GPC5: variants seen among roughly 807,000 people sequenced by gnomAD.
GPC5 encodes the protein glypican 5.
In GPC5, 47 loss-of-function variants were observed where a neutral mutation model predicts 53.9. That is an observed-to-expected ratio of 0.87 (90% CI 0.69 to 1.11). The LOEUF (loss-of-function observed/expected upper bound fraction) is 1.11, where lower values mean the gene tolerates loss of function less well. Ranked by LOEUF, GPC5 falls within the 50% of genes most tolerant of loss-of-function variation. The pLI, the probability that GPC5 is intolerant of heterozygous loss-of-function variation, is 0.00. For synonymous variants in GPC5, 286 were observed against 263.3 expected (o/e 1.09, Z -0.84); for missense variants, 748 against 713.1 (o/e 1.05, Z -0.56).
At chr13:91,690,487 A>G (rs991630738) in intron 2 of GPC5, among the ~76,000 whole-genome samples, 3 of 152,174 alleles carry the variant, frequency 2.0e-5, no homozygotes, top group African/African-American at 4.8e-5. Flanking sequence ...AAGAGAAATA[A>G]TGATATTTGG....
chr13:92,733,717 G>T (rs72632633), intron 7 of GPC5, among the ~76,000 whole-genome samples: 8,213 of 151,712 alleles, frequency 0.054, 600 homozygotes, highest in East Asian at 0.35. Context: ...CAAAGAAGAT[G>T]ATTACATCTC....
intron 1 of GPC5, among the ~76,000 whole-genome samples, chr13:91,427,256 A>C (rs1373260824): frequency 1.3e-5 from 2 of 152,208 alleles, no homozygotes; most frequent in Non-Finnish European, 2.9e-5. Context: ...AACTTGCACC[A>C]TGAGCCTGGA....
chr13:92,602,649 G>A (rs984610428), intron 7 of GPC5, among the ~76,000 whole-genome samples: 4 of 152,034 alleles, frequency 2.6e-5, no homozygotes, highest in Non-Finnish European at 4.4e-5. Context: ...AATGAAAGAC[G>A]GTGTGGGATT....
At chr13:92,130,338 T>C (rs1177947353) in intron 6 of GPC5, among the ~76,000 whole-genome samples, 1 of 145,260 alleles carries the variant, frequency 6.9e-6, no homozygotes, top group Admixed American at 6.8e-5. Context: ...TGATGTTAAC[T>C]GAAAAAAAAA....
chr13:91,959,773 A>T (rs1271844474), intron 6 of GPC5, among the ~76,000 whole-genome samples: 1 of 152,008 alleles, frequency 6.6e-6, no homozygotes, highest in African/African-American at 2.4e-5. Flanking sequence ...ATTGAGTGGG[A>T]TTTTCCCAGG....
chr13:92,294,752 G>A (rs1193874735), intron 7 of GPC5, among the ~76,000 whole-genome samples: 4 of 141,582 alleles, frequency 2.8e-5, no homozygotes, highest in Non-Finnish European at 6.2e-5. Flanking sequence ...GGTTTGGTTT[G>A]TTCTTGTTTC....
intron 2 of GPC5, among the ~76,000 whole-genome samples, chr13:91,518,457 C>T (rs1428492075): frequency 2.0e-5 from 3 of 152,160 alleles, no homozygotes; most frequent in Admixed American, 6.5e-5. Context: ...AAGTTTATTT[C>T]TAAATAAAAA....
chr13:92,770,895 C>T (rs1875587992), intron 7 of GPC5, among the ~76,000 whole-genome samples: 2 of 152,282 alleles, frequency 1.3e-5, no homozygotes, highest in South Asian at 4.1e-4. Context: ...GGATTCCCCA[C>T]TTGACCTCTG....
intron 5 of GPC5, among the ~76,000 whole-genome samples, chr13:91,883,299 A>T (rs1188296112): frequency 6.6e-6 from 1 of 152,220 alleles, no homozygotes; most frequent in Admixed American, 6.5e-5. Context: ...CTCTCTTATT[A>T]TCTAACCTTA....
intron 6 of GPC5, among the ~76,000 whole-genome samples, chr13:91,987,234 C>T (rs1439719596): frequency 6.6e-6 from 1 of 152,220 alleles, no homozygotes; most frequent in East Asian, 1.9e-4. Context: ...TGCAATGCTG[C>T]AGGCACCCAC....
intron 6 of GPC5, among the ~76,000 whole-genome samples, chr13:91,951,711 T>G (rs2040027380): frequency 6.6e-6 from 1 of 152,104 alleles, no homozygotes; most frequent in African/African-American, 2.4e-5. Flanking sequence ...TACAGTAGAA[T>G]TAAGGAATAA....
chr13:92,475,843 T>G (rs1313795817), intron 7 of GPC5, among the ~76,000 whole-genome samples: 5 of 151,076 alleles, frequency 3.3e-5, no homozygotes, highest in Non-Finnish European at 5.9e-5. Context: ...TAGCCATATG[T>G]AGAAAGCTGA....
chr13:91,956,170 C>G (rs886933568), intron 6 of GPC5, among the ~76,000 whole-genome samples: 8 of 151,984 alleles, frequency 5.3e-5, no homozygotes, highest in African/African-American at 1.7e-4. Flanking sequence ...TTTTCTCCCC[C>G]CCACCCCAAT....
chr13:91,634,062 A>AG (rs2034225473), intron 2 of GPC5, among the ~76,000 whole-genome samples: 1 of 152,128 alleles, frequency 6.6e-6, no homozygotes, highest in African/African-American at 2.4e-5. Context: ...GTTGGTGTCA[A>AG]GCTTGCGTAG....
In GPC5 at chr13:92,544,502, TTGA is replaced by T. The variant is rs1445228572; in HGVS notation, c.1562-321777_1562-321775del. Among the ~76,000 whole-genome samples the T allele has an allele frequency of 2.0e-5, 3 of 152,150 alleles. No homozygotes were observed. The South Asian group carries it at 6.2e-4, about 32-fold the overall frequency. ...AAGAGACATTATTTGGGTGTTATTA[TTGA>T]TGGTTTTTATCTTCTGTTTTGATTT... On this transcript the variant is annotated intron_variant, in intron 7 of 7. Coordinates refer to ENST00000377067, the MANE Select transcript of GPC5 (RefSeq NM_004466.6).
intron 5 of GPC5, among the ~76,000 whole-genome samples, chr13:91,776,189 G>A (rs913077147): frequency 6.6e-6 from 1 of 152,048 alleles, no homozygotes; most frequent in African/African-American, 2.4e-5. Flanking sequence ...CACAATTGTG[G>A]GTGCAGCAGC....
intron 7 of GPC5, among the ~76,000 whole-genome samples, chr13:92,362,391 A>G (rs1253188573): frequency 6.6e-6 from 1 of 151,816 alleles, no homozygotes; most frequent in Non-Finnish European, 1.5e-5. Flanking sequence ...AAAGGGTTAA[A>G]AGATCCTTTG....
chr13:91,897,371 G>A (rs569656273), intron 5 of GPC5, among the ~76,000 whole-genome samples: 84 of 148,906 alleles, frequency 5.6e-4, no homozygotes, highest in African/African-American at 1.9e-3. Flanking sequence ...GTGTGTGTGC[G>A]CCTGTGCATG....
chr13:92,711,652 C>T (rs1350923659), intron 7 of GPC5, among the ~76,000 whole-genome samples: 1 of 151,850 alleles, frequency 6.6e-6, no homozygotes, highest in Non-Finnish European at 1.5e-5. Flanking sequence ...TTTCAAGAAC[C>T]CTCAGAATTA....
Sources: gnomAD v4.1 joint callset for allele counts (sites outside exome capture counted in the v4.1 genomes callset) on GRCh38, gnomAD v4.1.1 for gene constraint, MANE v1.5 for transcripts, NCBI Gene and HGNC (gene_info 2026-07-23, HGNC 2026-07-21) for gene names.